MSH6: variants seen among roughly 807,000 people sequenced by gnomAD.
The protein encoded by MSH6 is mutS homolog 6.
A neutral mutation model predicts 119.1 loss-of-function variants in MSH6; 85 were observed. The observed-to-expected ratio is 0.71, with a 90% CI of 0.60 to 0.85. The LOEUF is 0.85. MSH6 is among the 40% of genes least tolerant of loss of function. The pLI is 0.00. For missense variants in MSH6, 2,163 were observed against 1,655.3 expected (o/e 1.31, Z -5.32); for synonymous variants, 830 against 586.9 (o/e 1.41, Z -5.99).
At chr2:47,793,320 A>C (rs900648782) in intron 2 of MSH6, among the ~76,000 whole-genome samples, 1,016 of 49,674 alleles carry the variant, frequency 0.02, 3 homozygotes, top group Non-Finnish European at 0.025. Flanking sequence ...GACTGTCTCA[A>C]AAAAAAAAAA....
rs1114167778 is a variant in MSH6 at position 47,803,686 on chromosome 2, G to GT, written c.3438+2dup. 1.9e-6 allele frequency: 3 copies of GT among 1,614,168 alleles called. No homozygotes were observed. Among genetic ancestry groups the GT allele is most frequent in the Non-Finnish European group, 2.5e-6 (3 of 1,180,030 alleles). On this transcript the variant is annotated splice_donor_variant, in intron 5 of 9. Coordinates refer to ENST00000234420, the MANE Select transcript of MSH6 (RefSeq NM_000179.3). LOFTEE classifies it high-confidence loss of function. ...GGGCAAGTCTACGCTTATGAGACAGGTAACTGATTCTTAAAGTTTTGTTAT... is the reference window on the plus strand; with the variant it reads ...GGGCAAGTCTACGCTTATGAGACAGGTTAACTGATTCTTAAAGTTTTGTTAT...
chr2:47,800,374 C>T lies in MSH6; in HGVS notation c.2391C>T (p.Asp797=), dbSNP rs754870044. The change falls in exon 4 of 10, where the codon GAC becomes GAT. Residue 797 remains aspartate, a synonymous_variant. Coordinates refer to ENST00000234420, the MANE Select transcript of MSH6 (RefSeq NM_000179.3). The part of the protein sequence containing the change: ...AINDRLDAIE[D]LMVVPDKISE... Reference sequence around the variant, plus strand: ...ATGATCGTCTAGATGCCATAGAAGACCTCATGGTTGTGCCTGACAAAATCT... The same window carrying T: ...ATGATCGTCTAGATGCCATAGAAGATCTCATGGTTGTGCCTGACAAAATCT... The T allele has an allele frequency of 7.4e-6, 12 of 1,613,898 alleles. No individual in the cohort carries two copies. The East Asian group carries it at 1.3e-4, about 18-fold the overall frequency.
At chr2:47,801,727 C>A (rs867484706) in intron 4 of MSH6, among the ~76,000 whole-genome samples, 1 of 152,228 alleles carries the variant, frequency 6.6e-6, no homozygotes, top group East Asian at 1.9e-4. Context: ...GTGTCTTGCT[C>A]TGTTACCCAG....
intron 2 of MSH6, among the ~76,000 whole-genome samples, chr2:47,791,782 G>T (rs575364717): frequency 6.6e-6 from 1 of 150,536 alleles, no homozygotes; most frequent in East Asian, 2.0e-4. Context: ...GGGTTCAAGA[G>T]TTTCCTACCT....
rs1229666565 is a variant in MSH6 at position 47,798,824 on chromosome 2, G to A, written c.841G>A (p.Gly281Arg). 1 of 1,614,066 alleles carries A rather than the reference G, an allele frequency of 6.2e-7. No homozygotes were observed. The highest frequency in any genetic ancestry group is 8.5e-7 in the Non-Finnish European group (1 of 1,180,044). Residue 281 changes from glycine (G) to arginine (R), a missense_variant, in exon 4 of 10, where the codon GGA becomes AGA. Gly to Arg is a moderately radical substitution (Grantham distance 125). Transcript: ENST00000234420. ...EEGSSDEISS[G>R]VGDSESEGLN... is the part of the protein sequence containing the mutation. ...AGGAAGCAGTGATGAAATAAGCAGT[G>A]GAGTGGGGGATAGTGAGAGTGAAGG...
chr2:47,805,083 G>T, intron 6 of MSH6, 56 bp downstream of exon 6: 1 of 1,185,574 alleles, frequency 8.4e-7, no homozygotes, highest in Non-Finnish European at 1.3e-6. Context: ...TGTGATAAAA[G>T]ATATTTGCTT....
rs55882234 is a variant in MSH6, at chr2:47,799,153, T to C, written c.1170T>C (p.Asp390=). The C allele has an allele frequency of 3.5e-5, 56 of 1,613,558 alleles. No individual in the cohort carries two copies. In the East Asian group the frequency reaches 1.2e-3, roughly 36 times the overall value. Residue 390 remains aspartate (D), a synonymous_variant, in exon 4 of 10, where the codon GAT becomes GAC. Coordinates refer to ENST00000234420, the MANE Select transcript of MSH6 (RefSeq NM_000179.3). Reference sequence around the variant, plus strand: ...ACAGGAGGAGGCCTGATCACCCCGATTTTGATGCATCTACACTCTATGTGC... The same window carrying C: ...ACAGGAGGAGGCCTGATCACCCCGACTTTGATGCATCTACACTCTATGTGC... ...DEHRRRPDHP[D]FDASTLYVPE... is the part of the protein sequence containing the mutation.
rs374486449 is a variant in MSH6, at chr2:47,798,814, A to C, written c.831A>C (p.Glu277Asp). Reference sequence around the variant, plus strand: ...CTAAGGAGGAAGGAAGCAGTGATGAAATAAGCAGTGGAGTGGGGGATAGTG... The same window carrying C: ...CTAAGGAGGAAGGAAGCAGTGATGACATAAGCAGTGGAGTGGGGGATAGTG... ...PDTKEEGSSDEISSGVGDSES... is the reference protein window; with the variant it reads ...PDTKEEGSSDDISSGVGDSES... Residue 277 changes from glutamate to aspartate, a missense_variant, in exon 4 of 10, where the codon GAA becomes GAC. By Grantham distance (45) the Glu-to-Asp change is conservative. Coordinates refer to ENST00000234420, the MANE Select transcript of MSH6 (RefSeq NM_000179.3). The C allele has an allele frequency of 1.1e-5, 18 of 1,614,172 alleles. No homozygotes were observed. In the African/African-American group the frequency reaches 2.1e-4, roughly 19 times the overall value.
chr2:47,798,554 A>G, intron 3 of MSH6, 57 bp from the exon 4 acceptor site: 1 of 1,576,110 alleles, frequency 6.3e-7, no homozygotes, highest in South Asian at 1.1e-5. Flanking sequence ...GAACTGTCTT[A>G]CATTATGGTT....
intron 3 of MSH6, 64 bp downstream of exon 3, chr2:47,796,127 G>T: frequency 6.5e-7 from 1 of 1,547,336 alleles, no homozygotes; most frequent in Non-Finnish European, 8.9e-7. Flanking sequence ...AAGGGGGAGG[G>T]TGTATTAACA....
At position 47,803,379 on chromosome 2, in the gene MSH6, C is replaced by A. The variant is rs1250387543; in HGVS notation, c.3173-41C>A. On this transcript the variant is annotated intron_variant, in intron 4 of 9. Coordinates refer to ENST00000234420, the MANE Select transcript of MSH6 (RefSeq NM_000179.3). ...ATAAAACACTTAGGCTGATAAAACC[C>A]CCAAACGATGAAGCCTCACTTTTAC... 3 of 1,613,804 alleles carry A rather than the reference C, an allele frequency of 1.9e-6. No individual in the cohort carries two copies. The highest frequency in any genetic ancestry group is 2.5e-6 in the Non-Finnish European group (3 of 1,179,952).
chr2:47,783,297 A>G lies in MSH6; in HGVS notation c.64A>G (p.Lys22Glu), dbSNP rs1060502897. The G allele has an allele frequency of 1.2e-6, 2 of 1,612,026 alleles. No individual in the cohort carries two copies. The highest frequency in any genetic ancestry group is 1.7e-6 in the Non-Finnish European group (2 of 1,179,530). Reference sequence around the variant, plus strand: ...GTCTCCGGCGCTGAGTGATGCCAACAAGGCCTCGGCCAGGGCCTCACGCGA... The same window carrying G: ...GTCTCCGGCGCTGAGTGATGCCAACGAGGCCTCGGCCAGGGCCTCACGCGA... ...PKSPALSDAN[K>E]ASARASREGG... The change falls in exon 1 of 10, where the codon AAG (lysine) becomes GAG (glutamate). Residue 22 changes from lysine (K) to glutamate (E), a missense_variant. By Grantham distance (56) the Lys-to-Glu change is moderately conservative. Transcript: ENST00000234420.
intron 4 of MSH6, among the ~76,000 whole-genome samples, chr2:47,801,515 G>A (rs1558384828): frequency 1.3e-5 from 2 of 151,634 alleles, no homozygotes; most frequent in Non-Finnish European, 2.9e-5. Context: ...TTACAGATAT[G>A]CACCACCATG....
rs1491155839 is a variant in MSH6, at chr2:47,788,906, C to CTTTTTTTTTTTTT, written c.261-2021_261-2020insTTTTTTTTTTTTT. Among the ~76,000 whole-genome samples, 103 of 15,810 alleles carry CTTTTTTTTTTTTT rather than the reference C, an allele frequency of 6.5e-3. 11 individuals are homozygous for CTTTTTTTTTTTTT. Among genetic ancestry groups the CTTTTTTTTTTTTT allele is most frequent in the East Asian group, 0.013 (10 of 796 alleles). 10.4% of individuals were successfully genotyped at this position (15,810 alleles called of 152,430 possible). ...GCTATTTCTTTCTTTCTTTCTTCTT[C>CTTTTTTTTTTTTT]CTTTTTTTTTTTTTTGTTTTTTTTT... is the stretch of plus-strand genomic sequence containing the variant. On this transcript the variant is annotated intron_variant, in intron 1 of 9. Coordinates refer to ENST00000234420, the MANE Select transcript of MSH6 (RefSeq NM_000179.3).
chr2:47,783,552 G>T, intron 1 of MSH6, 59 bp downstream of exon 1: 2 of 1,389,586 alleles, frequency 1.4e-6, no homozygotes, highest in South Asian at 3.2e-5. Context: ...CTTGGAACCC[G>T]GCGAGGGGAG....
intron 3 of MSH6, among the ~76,000 whole-genome samples, chr2:47,796,792 TTC>T (rs1458762312): frequency 6.6e-6 from 1 of 152,016 alleles, no homozygotes; most frequent in Non-Finnish European, 1.5e-5. Context: ...GAAACCCTGT[TTC>T]TATAAAAAAT....
intron 1 of MSH6, among the ~76,000 whole-genome samples, chr2:47,785,990 C>A (rs1400004521): frequency 1.3e-5 from 2 of 152,118 alleles, no homozygotes; most frequent in Non-Finnish European, 2.9e-5. Context: ...ATCACTCTGC[C>A]GAGCACAGCA....
At chr2:47,783,894 T>C (rs1572699245) in intron 1 of MSH6, 3 of 804,132 alleles carry the variant, frequency 3.7e-6, no homozygotes, top group Non-Finnish European at 4.1e-6. Flanking sequence ...GCCCACTTGG[T>C]GGGCGGGGCG....
Position 47,806,796 on chromosome 2 carries a change from G to GTGAAAGGTCAACTGTAGATGC in MSH6, c.4024_4044dup (p.Arg1342_Glu1348dup), listed in dbSNP as rs1064792973. ...ATTTTAAGGGAAGTTTGCCTGGCTA[G>GTGAAAGGTCAACTGTAGATGC]TGAAAGGTCAACTGTAGATGCTGAA... On this transcript the variant is annotated inframe_insertion, in exon 10 of 10. Coordinates refer to ENST00000234420, the MANE Select transcript of MSH6 (RefSeq NM_000179.3). 1 of 1,600,642 alleles carries GTGAAAGGTCAACTGTAGATGC rather than the reference G, an allele frequency of 6.2e-7. No individual in the cohort carries two copies. Among genetic ancestry groups the GTGAAAGGTCAACTGTAGATGC allele is most frequent in the African/African-American group, 1.4e-5 (1 of 73,446 alleles).
Sources: allele counts gnomAD v4.1 joint callset (sites outside exome capture counted in the v4.1 genomes callset), GRCh38; gene constraint gnomAD v4.1.1; transcripts MANE v1.5; gene names NCBI Gene and HGNC (gene_info 2026-07-23, HGNC 2026-07-21).